XIRP2: variants seen among roughly 807,000 people sequenced by gnomAD.
The protein encoded by XIRP2 is xin actin binding repeat containing 2.
XIRP2 carries 236 observed loss-of-function variants against 277.0 expected under a neutral mutation model. The ratio of observed to expected loss-of-function variants is 0.85; its 90% CI spans 0.77 to 0.95. The LOEUF (loss-of-function observed/expected upper bound fraction) is 0.95, where lower values mean the gene tolerates loss of function less well. Among genes scored for constraint, XIRP2 ranks in the 40% least tolerant of loss-of-function variants. The pLI, the probability that XIRP2 is intolerant of heterozygous loss-of-function variation, is 0.00. For missense variants in XIRP2, 4,640 were observed against 4,157.5 expected (o/e 1.12, Z -3.19); for synonymous variants, 1,490 against 1,416.5 (o/e 1.05, Z -1.17).
chr2:167,001,879 G>A (rs923779695), intron 2 of XIRP2, among the ~76,000 whole-genome samples: 3 of 152,048 alleles, frequency 2.0e-5, no homozygotes, highest in Admixed American at 2.0e-4. Flanking sequence ...CTTGAAAAAT[G>A]TTGTGTAGCA....
At chr2:167,001,763 A>G (rs1416978082) in intron 2 of XIRP2, among the ~76,000 whole-genome samples, 1 of 152,100 alleles carries the variant, frequency 6.6e-6, no homozygotes, top group Non-Finnish European at 1.5e-5. Context: ...TTGATTTATT[A>G]TGTTTGCAAT....
At chr2:167,118,635 C>T (rs1289057998) in intron 2 of XIRP2, among the ~76,000 whole-genome samples, 2 of 152,142 alleles carry the variant, frequency 1.3e-5, no homozygotes, top group African/African-American at 4.8e-5. Context: ...GCATTCAGAA[C>T]ACCATATTGG....
At chr2:166,897,906 A>G (rs926582618) in intron 1 of XIRP2, among the ~76,000 whole-genome samples, 1 of 152,086 alleles carries the variant, frequency 6.6e-6, no homozygotes, top group Non-Finnish European at 1.5e-5. Context: ...CAGAGAGAGA[A>G]GCAGATCTGA....
At chr2:167,164,276 TA>T (rs1262250010) in intron 3 of XIRP2, among the ~76,000 whole-genome samples, 1 of 146,080 alleles carries the variant, frequency 6.8e-6, no homozygotes, top group African/African-American at 2.6e-5. Context: ...CCGTCTGTAC[TA>T]AAAATACAAA....
At chr2:166,941,688 A>AT (rs1360831988) in intron 2 of XIRP2, among the ~76,000 whole-genome samples, 1 of 152,178 alleles carries the variant, frequency 6.6e-6, no homozygotes, top group Non-Finnish European at 1.5e-5. Flanking sequence ...CTTAATGATG[A>AT]TTTTTTCAGA....
rs755682240 is a variant in XIRP2 at position 167,258,476 on chromosome 2, G to T, written c.*659G>T. The T allele has an allele frequency of 4.3e-6, 7 of 1,613,096 alleles. No individual in the cohort carries two copies. Among genetic ancestry groups the T allele is most frequent in the Non-Finnish European group, 5.9e-6 (7 of 1,179,638 alleles). ...GAAGAATGTGCAAGATAGGCCGAGT[G>T]AAGCTGAAGACACAAAGAGTAACAG... On this transcript the variant is annotated 3_prime_UTR_variant, in exon 11 of 11. Transcript: ENST00000409195.
At chr2:167,043,761 A>G (rs1574198839) in intron 2 of XIRP2, among the ~76,000 whole-genome samples, 2 of 152,098 alleles carry the variant, frequency 1.3e-5, no homozygotes, top group Admixed American at 6.6e-5. Context: ...TACCAGATAT[A>G]TAAAGAAGAA....
Position 166,982,314 on chromosome 2 carries a change from C to T in XIRP2, c.408+78424C>T, listed in dbSNP as rs571285278. Among the ~76,000 whole-genome samples the T allele has an allele frequency of 1.5e-5, 2 of 132,312 alleles. 1 individual carries two copies. The highest frequency in any genetic ancestry group is 6.1e-5 in the African/African-American group (2 of 32,810). The allele number at this position is 132,312 out of a possible 152,430, so 86.8% of individuals were successfully genotyped here. A position where few individuals can be genotyped will look rare whatever the true frequency, so the allele number is the denominator to read the frequency against. On this transcript the variant is annotated intron_variant, in intron 2 of 10. Transcript: ENST00000409195. ...CAGCAAATTGTAATATGTTTAGGTA[C>T]AGTTTTTTTTTTTAAAAAAAAAACA...
intron 3 of XIRP2, among the ~76,000 whole-genome samples, chr2:167,191,197 A>G (rs908714244): frequency 2.6e-5 from 4 of 151,386 alleles, no homozygotes; most frequent in African/African-American, 7.3e-5. Flanking sequence ...AAAAAAAAAA[A>G]AAAAAGAAAA....
At chr2:167,078,331 T>A (rs1178963389) in intron 2 of XIRP2, among the ~76,000 whole-genome samples, 1 of 152,218 alleles carries the variant, frequency 6.6e-6, no homozygotes, top group Non-Finnish European at 1.5e-5. Context: ...TGATACTGTG[T>A]CCTGAAACTT....
In XIRP2 at chr2:167,258,110, C is replaced by T; in HGVS notation, c.*293C>T. 1.2e-6 allele frequency: 2 copies of T among 1,613,046 alleles called. No homozygotes were observed. Among genetic ancestry groups the T allele is most frequent in the Non-Finnish European group, 1.7e-6 (2 of 1,179,504 alleles). On this transcript the variant is annotated 3_prime_UTR_variant, in exon 11 of 11. Coordinates refer to ENST00000409195, the MANE Select transcript of XIRP2 (RefSeq NM_152381.6). Reference sequence around the variant, plus strand: ...TTTAGATGCTGGTAACAGTGAAGGGCAAAGGAATGATTTGAGAAAATTAGG... The same window carrying T: ...TTTAGATGCTGGTAACAGTGAAGGGTAAAGGAATGATTTGAGAAAATTAGG...
chr2:167,012,874 G>A (rs1687720801), intron 2 of XIRP2, among the ~76,000 whole-genome samples: 1 of 151,328 alleles, frequency 6.6e-6, no homozygotes, highest in South Asian at 2.1e-4. Context: ...CTCCAAAATA[G>A]CTAGCTGTAA....
Position 167,249,835 on chromosome 2 carries a change from C to T in XIRP2, c.8443C>T (p.Leu2815Phe), listed in dbSNP as rs766136438. Reference sequence around the variant, plus strand: ...ATTTAGCGGATCTGACAGAGGGAAACTTCCAGGAAGTGAAGAAAAAAATCA... The same window carrying T: ...ATTTAGCGGATCTGACAGAGGGAAATTTCCAGGAAGTGAAGAAAAAAATCA... ...REFSGSDRGKLPGSEEKNQGP... is the reference protein window; with the variant it reads ...REFSGSDRGKFPGSEEKNQGP... The change falls in exon 9 of 11, where the codon CTT becomes TTT. Residue 2815 changes from leucine (L) to phenylalanine (F), a missense_variant. Coordinates refer to ENST00000409195, the MANE Select transcript of XIRP2 (RefSeq NM_152381.6). The T allele has an allele frequency of 1.2e-6, 2 of 1,613,438 alleles. No homozygotes were observed. Among genetic ancestry groups the T allele is most frequent in the Non-Finnish European group, 1.7e-6 (2 of 1,179,716 alleles).
chr2:167,183,498 T>A (rs980091836), intron 3 of XIRP2, among the ~76,000 whole-genome samples: 6 of 152,202 alleles, frequency 3.9e-5, no homozygotes, highest in African/African-American at 1.4e-4. Context: ...AGATTAAAAG[T>A]TTTGTATTTT....
chr2:167,245,227 T>A lies in XIRP2; in HGVS notation c.3835T>A (p.Phe1279Ile). 6.2e-7 allele frequency: 1 copy of A among 1,613,722 alleles called. No homozygotes were observed. The change falls in exon 9 of 11, where the codon TTT becomes ATT. Residue 1279 changes from phenylalanine to isoleucine, a missense_variant. Coordinates refer to ENST00000409195, the MANE Select transcript of XIRP2 (RefSeq NM_152381.6). ...GGDVRKGCFI[F>I]ETFSLDEIKE... is the part of the protein sequence containing the mutation. ...GGATGTAAGAAAGGGGTGCTTTATT[T>A]TTGAGACTTTTTCTTTAGATGAGAT...
At chr2:167,030,985 CT>C (rs1297685118) in intron 2 of XIRP2, among the ~76,000 whole-genome samples, 4 of 148,328 alleles carry the variant, frequency 2.7e-5, no homozygotes, top group African/African-American at 9.9e-5. Context: ...GGTTTCAAGT[CT>C]GTTTTATCAG....
chr2:167,042,407 G>C (rs1688680712), intron 2 of XIRP2, among the ~76,000 whole-genome samples: 1 of 152,078 alleles, frequency 6.6e-6, no homozygotes, highest in Non-Finnish European at 1.5e-5. Flanking sequence ...GATGAATAAA[G>C]AAGCAAGACT....
At chr2:166,985,894 C>G (rs930120285) in intron 2 of XIRP2, among the ~76,000 whole-genome samples, 1 of 152,096 alleles carries the variant, frequency 6.6e-6, no homozygotes, top group African/African-American at 2.4e-5. Context: ...ATCTCCTCAT[C>G]TGGGAAGAAA....
rs1695317182 is a variant in XIRP2 at position 167,247,551 on chromosome 2, T to C, written c.6159T>C (p.Ser2053=). ...LRRLSNSHHK[S]NVLESGDKTG... ...GACTATCTAATTCACACCATAAATC[T>C]AATGTTTTGGAATCAGGAGACAAAA... Residue 2053 remains serine, a synonymous_variant, in exon 9 of 11, where the codon TCT becomes TCC. Coordinates refer to ENST00000409195, the MANE Select transcript of XIRP2 (RefSeq NM_152381.6). The C allele has an allele frequency of 1.1e-5, 18 of 1,613,574 alleles. No homozygotes were observed. The highest frequency in any genetic ancestry group is 1.5e-5 in the Non-Finnish European group (18 of 1,179,766).
Sources: allele counts gnomAD v4.1 joint callset (sites outside exome capture counted in the v4.1 genomes callset), GRCh38; gene constraint gnomAD v4.1.1; transcripts MANE v1.5; gene names NCBI Gene and HGNC (gene_info 2026-07-23, HGNC 2026-07-21).